The following DNAH6 variants were observed in gnomAD, a reference collection of about 807,000 sequenced individuals.
DNAH6 encodes the protein dynein axonemal heavy chain 6.
A neutral mutation model predicts 491.4 loss-of-function variants in DNAH6; 340 were observed. That is an observed-to-expected ratio of 0.69 (90% CI 0.63 to 0.76). The LOEUF (loss-of-function observed/expected upper bound fraction) is 0.76. Ranked by LOEUF, DNAH6 falls within the 30% of genes least tolerant of loss-of-function variation. DNAH6 has a pLI of 0.00. For synonymous variants in DNAH6, 1,603 were observed against 1,686.1 expected (o/e 0.95, Z 1.21); for missense variants, 4,443 against 4,972.2 (o/e 0.89, Z 3.20).
chr2:84,772,167 T>C (rs1423202665), intron 64 of DNAH6, among the ~76,000 whole-genome samples: 1 of 152,106 alleles, frequency 6.6e-6, no homozygotes, highest in African/African-American at 2.4e-5. Flanking sequence ...CAGATGTCAA[T>C]TGTAGTCCAT....
At chr2:84,819,148 A>G (rs1484413784) in intron 76 of DNAH6, among the ~76,000 whole-genome samples, 157 bp from the exon 77 acceptor site, 9 of 152,262 alleles carry the variant, frequency 5.9e-5, no homozygotes. Flanking sequence ...TTCATTTTAT[A>G]GAGCATAAAA....
chr2:84,753,725 C>T (rs1673693086), intron 63 of DNAH6, among the ~76,000 whole-genome samples: 1 of 135,372 alleles, frequency 7.4e-6, no homozygotes, highest in Non-Finnish European at 1.5e-5. Flanking sequence ...CCATTGCATT[C>T]CAGCCTGGGC....
At chr2:84,540,990 ACAG>A (rs906884754) in intron 4 of DNAH6, among the ~76,000 whole-genome samples, 24 of 152,308 alleles carry the variant, frequency 1.6e-4, no homozygotes, top group Non-Finnish European at 2.8e-4. Flanking sequence ...ATTTTATAAC[ACAG>A]CAGTTGAATT....
intron 70 of DNAH6, among the ~76,000 whole-genome samples, chr2:84,801,612 A>C (rs1048460480): frequency 1.3e-5 from 2 of 152,200 alleles, no homozygotes; most frequent in Admixed American, 1.3e-4. Flanking sequence ...GGCCAGGCGC[A>C]GTGGCTCATG....
intron 64 of DNAH6, chr2:84,778,121 G>T: frequency 1.3e-6 from 1 of 781,046 alleles, no homozygotes; most frequent in Admixed American, 1.7e-5. Flanking sequence ...GCATGGCACA[G>T]GCCATGCCAA....
rs1264011233 is a variant in DNAH6, at chr2:84,654,703, G to A, written c.5678G>A (p.Cys1893Tyr). Residue 1893 changes from cysteine (C) to tyrosine (Y), a missense_variant, in exon 35 of 77, where the codon TGT becomes TAT. By Grantham distance (194) the Cys-to-Tyr change is radical. Transcript: ENST00000389394. ...GCCTCCCCTGCAACAGTCAGTCGATGTGGAATGGTGTTTGTGGATCCTGAA... is the reference window on the plus strand; with the variant it reads ...GCCTCCCCTGCAACAGTCAGTCGATATGGAATGGTGTTTGTGGATCCTGAA... The part of the protein sequence containing the change: ...RVASPATVSR[C>Y]GMVFVDPEEL... 3.9e-6 allele frequency: 6 copies of A among 1,551,120 alleles called. No individual in the cohort carries two copies. Among genetic ancestry groups the A allele is most frequent in the Admixed American group, 2.0e-5 (1 of 50,964 alleles).
intron 3 of DNAH6, among the ~76,000 whole-genome samples, chr2:84,528,453 A>C (rs934171954): frequency 1.3e-5 from 2 of 152,116 alleles, no homozygotes; most frequent in African/African-American, 4.8e-5. Context: ...CAAAGAAGTA[A>C]AGTTATTATG....
rs1488994840 is a variant in DNAH6, at chr2:84,670,489, T to G, written c.6454+14T>G. ...AAAATATTCTAGGTAAGAATCATTA[T>G]TTTAGTTTGTCCCACACAAATTATT... On this transcript the variant is annotated intron_variant, in intron 39 of 76. Coordinates refer to ENST00000389394, the MANE Select transcript of DNAH6 (RefSeq NM_001370.2). 6.8e-7 allele frequency: 1 copy of G among 1,474,084 alleles called. No individual in the cohort carries two copies. The allele number at this position is 1,474,084 out of a possible 1,614,324, so 91.3% of individuals were successfully genotyped here. A position where few individuals can be genotyped will look rare whatever the true frequency, so the allele number is the denominator to read the frequency against.
intron 26 of DNAH6, among the ~76,000 whole-genome samples, chr2:84,623,937 A>C (rs1444732398): frequency 6.6e-6 from 1 of 152,204 alleles, no homozygotes; most frequent in Non-Finnish European, 1.5e-5. Context: ...ATCATCACAT[A>C]GTGGTTAAGA....
intron 70 of DNAH6, among the ~76,000 whole-genome samples, chr2:84,805,162 A>C (rs1257700852): frequency 1.3e-5 from 2 of 152,218 alleles, no homozygotes; most frequent in African/African-American, 2.4e-5. Context: ...GTTGCTCAAC[A>C]AAAAAATTTT....
rs1192307 is a variant in DNAH6, at chr2:84,686,464, T to G, written c.7064-20T>G. 65,434 of 1,353,366 alleles carry G rather than the reference T, an allele frequency of 0.048. 1,904 individuals carry two copies. The highest frequency in any genetic ancestry group is 0.063 in the South Asian group (4,820 of 76,870). 83.8% of individuals were successfully genotyped at this position (1,353,366 alleles called of 1,614,324 possible). A position where few individuals can be genotyped will look rare whatever the true frequency, so the allele number is the denominator to read the frequency against. ...CAAGATTATCATTATATTTAAAACTTGGTTTTGTTCTTTAAATAGACAAAC... is the reference window on the plus strand; with the variant it reads ...CAAGATTATCATTATATTTAAAACTGGGTTTTGTTCTTTAAATAGACAAAC... On this transcript the variant is annotated intron_variant, in intron 43 of 76. Transcript: ENST00000389394.
the DNAH6 span, among the ~76,000 whole-genome samples, chr2:84,495,186 A>G: frequency 6.6e-6 from 1 of 152,162 alleles, no homozygotes; most frequent in Non-Finnish European, 1.5e-5. Flanking sequence ...ATTTATTGAG[A>G]CAGAGTCTTG....
chr2:84,658,489 C>T lies in DNAH6; in HGVS notation c.5940+15C>T. The T allele has an allele frequency of 7.0e-7, 1 of 1,428,916 alleles. No homozygotes were observed. The highest frequency in any genetic ancestry group is 9.2e-7 in the Non-Finnish European group (1 of 1,082,148). The allele number at this position is 1,428,916 out of a possible 1,614,324, so 88.5% of individuals were successfully genotyped here. ...ACTTGGCAATGGTATGAAGAGTTTTCTTATTGCTATGAAGCTAGAAAAATT... is the reference window on the plus strand; with the variant it reads ...ACTTGGCAATGGTATGAAGAGTTTTTTTATTGCTATGAAGCTAGAAAAATT... On this transcript the variant is annotated intron_variant, in intron 36 of 76. Transcript: ENST00000389394.
rs563792437 is a variant in DNAH6, at chr2:84,540,689, T to C, written c.663-3544T>C. ...CCCAAAATTCTCTCAGTTCATGTGG[T>C]TATCTCAAATGGGACACACATACTT... On this transcript the variant is annotated intron_variant, in intron 4 of 76. Transcript: ENST00000389394. 6.6e-5 allele frequency among the ~76,000 whole-genome samples: 10 copies of C among 152,296 alleles called. No homozygotes were observed. In the East Asian group the frequency reaches 1.9e-3, roughly 29 times the overall value.
At chr2:84,732,462 G>T (rs1229657818) in intron 61 of DNAH6, among the ~76,000 whole-genome samples, 7 of 152,218 alleles carry the variant, frequency 4.6e-5, no homozygotes, top group African/African-American at 1.7e-4. Context: ...AAGAAAGAAT[G>T]AAGTACTGAT....
chr2:84,699,487 G>A, intron 47 of DNAH6, 107 bp from the exon 48 acceptor site: 1 of 961,734 alleles, frequency 1.0e-6, no homozygotes, highest in East Asian at 2.6e-5. Context: ...CTACTATGCT[G>A]ACATTTTATA....
At chr2:84,794,995 G>A (rs201388076) in intron 68 of DNAH6, among the ~76,000 whole-genome samples, 5,615 of 150,220 alleles carry the variant, frequency 0.037, 109 homozygotes, top group Middle Eastern at 0.092. Flanking sequence ...ATACTATGCA[G>A]CCATAAAAAA....
At chr2:84,479,329 T>A in the DNAH6 span, among the ~76,000 whole-genome samples, 6 of 152,214 alleles carry the variant, frequency 3.9e-5, no homozygotes, top group African/African-American at 1.4e-4. Flanking sequence ...GCCCAGAATG[T>A]CCCTGCCTCC....
At chr2:84,692,064 C>A (rs144370395) in intron 45 of DNAH6, among the ~76,000 whole-genome samples, 26 of 152,316 alleles carry the variant, frequency 1.7e-4, no homozygotes, top group African/African-American at 5.8e-4. Context: ...TGGAGGAAGA[C>A]TTTTTAAATA....
Sources: allele counts gnomAD v4.1 joint callset (sites outside exome capture counted in the v4.1 genomes callset), GRCh38; gene constraint gnomAD v4.1.1; transcripts MANE v1.5; gene names NCBI Gene and HGNC (gene_info 2026-07-23, HGNC 2026-07-21).